Variants in EDA observed in about 807,000 individuals in gnomAD.
EDA encodes the protein ectodysplasin A, also known as ectodysplasin-A.
Under a neutral mutation model 23.6 loss-of-function variants are expected in EDA, and 2 were observed. That is an observed-to-expected ratio of 0.08 (90% CI 0.03 to 0.27). The LOEUF is 0.27. Ranked by LOEUF, EDA falls within the 10% of genes least tolerant of loss-of-function variation. The probability of loss-of-function intolerance (pLI) is 1.00; values close to 1 mark genes in which losing one functional copy is unlikely to be tolerated. For synonymous variants in EDA, 131 were observed against 132.0 expected (o/e 0.99, Z 0.05); for missense variants, 229 against 324.2 (o/e 0.71, Z 2.26).
chrX:69,947,319 T>TA (rs1025684126), intron 1 of EDA, among the ~76,000 whole-genome samples: 6 of 112,342 alleles, frequency 5.3e-5, no homozygotes, highest in African/African-American at 1.9e-4. Context: ...CCATTTTTTT[T>TA]ATTTGTGTCT....
intron 2 of EDA, among the ~76,000 whole-genome samples, chrX:69,993,701 T>C (rs2019620781): frequency 8.9e-6 from 1 of 112,174 alleles, no homozygotes; most frequent in African/African-American, 3.2e-5. Flanking sequence ...TGCACTGTTG[T>C]GCATTGAATG....
chrX:69,925,881 T>A (rs2018510662), intron 1 of EDA, among the ~76,000 whole-genome samples: 1 of 108,703 alleles, frequency 9.2e-6, no homozygotes, highest in Non-Finnish European at 1.9e-5. Context: ...CCTGGTTTAG[T>A]CTTGGGAGGG....
chrX:69,995,857 C>G (rs1353378411), intron 2 of EDA, among the ~76,000 whole-genome samples: 2 of 111,868 alleles, frequency 1.8e-5, no homozygotes, highest in Non-Finnish European at 3.8e-5. Flanking sequence ...GGAATGGAGT[C>G]CTCGCAGAGC....
At chrX:69,682,394 G>T (rs1046353921) in intron 1 of EDA, among the ~76,000 whole-genome samples, 1 of 112,684 alleles carries the variant, frequency 8.9e-6, no homozygotes, top group South Asian at 3.6e-4. Flanking sequence ...GCAAGCCTGG[G>T]CAATGGCGGG....
intron 1 of EDA, among the ~76,000 whole-genome samples, chrX:69,663,969 C>T (rs959752926): frequency 1.8e-5 from 2 of 112,191 alleles, no homozygotes; most frequent in African/African-American, 6.5e-5. Flanking sequence ...GTATATTTAC[C>T]CAATGCCTGT....
chrX:69,951,460 ATTC>A (rs2147410860), intron 1 of EDA, among the ~76,000 whole-genome samples: 1 of 111,818 alleles, frequency 8.9e-6, no homozygotes, highest in East Asian at 2.8e-4. Flanking sequence ...CAATCTAATT[ATTC>A]TTTCAAGAGA....
chrX:69,765,852 C>G (rs762995957), intron 1 of EDA, among the ~76,000 whole-genome samples: 19 of 111,447 alleles, frequency 1.7e-4, no homozygotes, highest in African/African-American at 6.2e-4. Flanking sequence ...TTGCTATCTA[C>G]CCCTTTAGAG....
chrX:69,810,257 CAAAAAAAAAAAAAAAAAAAAAAAAAA>C (rs1160638267), intron 1 of EDA, among the ~76,000 whole-genome samples: 4 of 17,171 alleles, frequency 2.3e-4, no homozygotes, highest in Non-Finnish European at 2.8e-4. Flanking sequence ...GACTCCATCT[CAAAAAAAAAAAAAAAAAAAAAAAAAA>C]AAAAAAAAAA....
intron 1 of EDA, among the ~76,000 whole-genome samples, chrX:69,785,734 G>A (rs974434537): frequency 3.7e-5 from 4 of 106,754 alleles, no homozygotes; most frequent in East Asian, 2.8e-4. Flanking sequence ...TGTTCATCAA[G>A]GATATTGGTC....
chrX:69,820,651 G>C (rs1455467827), intron 1 of EDA, among the ~76,000 whole-genome samples: 1 of 112,195 alleles, frequency 8.9e-6, no homozygotes, highest in African/African-American at 3.2e-5. Flanking sequence ...CAACATCACT[G>C]ATCATTAGAG....
chrX:69,968,817 C>A (rs139004366), intron 2 of EDA, among the ~76,000 whole-genome samples: 1,469 of 112,265 alleles, frequency 0.013, 23 homozygotes, highest in African/African-American at 0.046. Flanking sequence ...ATTGATCCTA[C>A]CTTCCTTGTG....
intron 1 of EDA, among the ~76,000 whole-genome samples, chrX:69,878,354 AG>A (rs1456553867): frequency 8.9e-6 from 1 of 112,668 alleles, no homozygotes; most frequent in Non-Finnish European, 1.9e-5. Flanking sequence ...CAGGGGCCCC[AG>A]AAGCACGTTG....
chrX:69,895,483 A>G (rs1320082678), intron 1 of EDA, among the ~76,000 whole-genome samples: 7 of 110,131 alleles, frequency 6.4e-5, no homozygotes, highest in Non-Finnish European at 1.9e-5. Flanking sequence ...ATAGCCATTG[A>G]AAAAGAAGTC....
intron 1 of EDA, among the ~76,000 whole-genome samples, chrX:69,819,898 C>CAA (rs61374631): frequency 3.7e-4 from 17 of 46,539 alleles, no homozygotes; most frequent in Non-Finnish European, 5.4e-4. Flanking sequence ...CATGTGGAAG[C>CAA]AAAAAAAAAA....
At chrX:69,750,628 C>T (rs1389927972) in intron 1 of EDA, among the ~76,000 whole-genome samples, 1 of 111,529 alleles carries the variant, frequency 9.0e-6, no homozygotes, top group Non-Finnish European at 1.9e-5. Context: ...AACTAGTTTA[C>T]AGTCCTACCA....
chrX:69,828,214 G>T (rs1194351273), intron 1 of EDA, among the ~76,000 whole-genome samples: 1 of 112,325 alleles, frequency 8.9e-6, no homozygotes, highest in Non-Finnish European at 1.9e-5. Context: ...TCCTTGAGCT[G>T]TGGTGGGCTC....
At chrX:70,016,821 C>A (rs1602608813) in intron 2 of EDA, among the ~76,000 whole-genome samples, 1 of 111,537 alleles carries the variant, frequency 9.0e-6, no homozygotes, top group East Asian at 2.8e-4. Context: ...CAAGAGCAAA[C>A]CAACCCCATA....
At chrX:69,835,354 A>C (rs2147550443) in intron 1 of EDA, among the ~76,000 whole-genome samples, 1 of 112,105 alleles carries the variant, frequency 8.9e-6, no homozygotes, top group South Asian at 3.7e-4. Context: ...TACACCAGTC[A>C]AATGTAGATT....
intron 1 of EDA, among the ~76,000 whole-genome samples, chrX:69,930,440 A>G (rs2018582757): frequency 9.0e-6 from 1 of 110,888 alleles, no homozygotes; most frequent in Non-Finnish European, 1.9e-5. Flanking sequence ...ATTAATGAAA[A>G]CAAAGTATTT....
Sources: gnomAD v4.1 joint callset for allele counts (sites outside exome capture counted in the v4.1 genomes callset) on GRCh38, gnomAD v4.1.1 for gene constraint, MANE v1.5 for transcripts, NCBI Gene and HGNC (gene_info 2026-07-23, HGNC 2026-07-21) for gene names.